SKI: variants seen among roughly 807,000 people sequenced by gnomAD.
SKI encodes SKI proto-oncogene, also known as ski oncogene.
SKI carries 23 observed loss-of-function variants against 59.3 expected under a neutral mutation model. That is an observed-to-expected ratio of 0.39 (90% confidence interval 0.28 to 0.55). SKI has a LOEUF of 0.55. Ranked by LOEUF, SKI falls within the 20% of genes least tolerant of loss-of-function variation. The probability of loss-of-function intolerance (pLI) is 0.67; values close to 1 mark genes in which losing one functional copy is unlikely to be tolerated. For synonymous variants in SKI, 673 were observed against 488.6 expected, an observed-to-expected ratio of 1.38 and a Z score of -4.98; for missense variants, 1,017 against 1,038.9, an observed-to-expected ratio of 0.98 and a Z score of 0.29.
intron 1 of SKI, among the ~76,000 whole-genome samples, chr1:2,232,253 A>G (rs1264022260): frequency 6.6e-6 from 1 of 152,236 alleles, no homozygotes; most frequent in African/African-American, 2.4e-5. Context: ...CTCTCTTTGC[A>G]GGGCTGCTGC....
At chr1:2,296,852 C>T (rs1405810057) in intron 1 of SKI, among the ~76,000 whole-genome samples, 2 of 152,170 alleles carry the variant, frequency 1.3e-5, no homozygotes, top group Non-Finnish European at 2.9e-5. Context: ...AAAACCTTCA[C>T]GTGCGCTCGC....
chr1:2,241,963 G>C (rs371519242), intron 1 of SKI, among the ~76,000 whole-genome samples: 7 of 151,958 alleles, frequency 4.6e-5, no homozygotes, highest in African/African-American at 1.5e-4. Flanking sequence ...GTGTGTGTGT[G>C]TGTGTGTGCC....
At chr1:2,244,971 A>G in intron 1 of SKI, among the ~76,000 whole-genome samples, 1 of 152,222 alleles carries the variant, frequency 6.6e-6, no homozygotes, top group East Asian at 1.9e-4. Flanking sequence ...CAACTGGAAG[A>G]TCTAACAATA....
rs1332262825 is a variant in SKI at position 2,269,707 on chromosome 1, C to T, written c.970-33271C>T. Reference sequence around the variant, plus strand: ...CCTTGGGCACCAGGGACAGTGGGGACGTGGCTGTGCACCGGGCCCAGGGCT... The same window carrying T: ...CCTTGGGCACCAGGGACAGTGGGGATGTGGCTGTGCACCGGGCCCAGGGCT... On this transcript the variant is annotated intron_variant, in intron 1 of 6. Coordinates refer to ENST00000378536, the MANE Select transcript of SKI (RefSeq NM_003036.4). The surrounding 1 kb of genome is among the most constrained non-coding windows in gnomAD (Gnocchi z 4.7). 3.9e-5 allele frequency among the ~76,000 whole-genome samples: 6 copies of T among 152,230 alleles called. No homozygotes were observed. The highest frequency in any genetic ancestry group is 2.0e-4 in the Admixed American group (3 of 15,286).
Position 2,303,768 on chromosome 1 carries a change from G to C in SKI, c.1212-72G>C. ...TTCCTGTTTAACACCTTCAGAGGGG[G>C]TGTGCGCCAGGATGTGTCTGGGTGG... On this transcript the variant is annotated intron_variant, in intron 3 of 6. Coordinates refer to ENST00000378536, the MANE Select transcript of SKI (RefSeq NM_003036.4). This position sits in a 1 kb window ranked among gnomAD's most constrained non-coding sequence, Gnocchi z 5.6. The C allele has an allele frequency of 6.4e-7, 1 of 1,571,532 alleles. No homozygotes were observed. Among genetic ancestry groups the C allele is most frequent in the Non-Finnish European group, 8.7e-7 (1 of 1,153,650 alleles).
intron 1 of SKI, among the ~76,000 whole-genome samples, chr1:2,253,476 C>T (rs940868987): frequency 6.6e-6 from 1 of 152,188 alleles, no homozygotes; most frequent in African/African-American, 2.4e-5. Flanking sequence ...GCAGGTCGTC[C>T]TTGGACACAC....
intron 1 of SKI, among the ~76,000 whole-genome samples, chr1:2,295,838 C>T (rs1417858354): frequency 1.3e-5 from 2 of 152,194 alleles, no homozygotes; most frequent in Admixed American, 6.5e-5. Flanking sequence ...CAATCTATCC[C>T]GTCATTTGTC....
intron 1 of SKI, among the ~76,000 whole-genome samples, chr1:2,230,921 G>A (rs951344273): frequency 6.6e-6 from 1 of 152,140 alleles, no homozygotes; most frequent in African/African-American, 2.4e-5. Flanking sequence ...GGATGGAAGC[G>A]AGGGACTGTC....
chr1:2,267,880 C>G lies in SKI; in HGVS notation c.970-35098C>G, dbSNP rs1448364076. Among the ~76,000 whole-genome samples, 1 of 152,230 alleles carries G rather than the reference C, an allele frequency of 6.6e-6. No homozygotes were observed. Among genetic ancestry groups the G allele is most frequent in the Non-Finnish European group, 1.5e-5 (1 of 68,032 alleles). The stretch of plus-strand genomic sequence containing the variant: ...AAAGTCACACTTTGGTTCCAGGTCA[C>G]AGCTTGAACCTCAGGCCACCTCCAG... On this transcript the variant is annotated intron_variant, in intron 1 of 6. Coordinates refer to ENST00000378536, the MANE Select transcript of SKI (RefSeq NM_003036.4). This position sits in a 1 kb window ranked among gnomAD's most constrained non-coding sequence, Gnocchi z 4.1.
rs761525189 is a variant in SKI at position 2,229,594 on chromosome 1, C to T, written c.828C>T (p.Phe276=). ...ALENRTCHWG[F]DSANWRAYIL... is the part of the protein sequence containing the mutation. ...AGAACCGGACCTGCCACTGGGGCTTCGACTCGGCCAACTGGCGGGCCTACA... is the reference window on the plus strand; with the variant it reads ...AGAACCGGACCTGCCACTGGGGCTTTGACTCGGCCAACTGGCGGGCCTACA... The change falls in exon 1 of 7, where the codon TTC becomes TTT. Residue 276 remains phenylalanine (F), a synonymous_variant. Transcript: ENST00000378536. The surrounding 1 kb of genome is among the most constrained non-coding windows in gnomAD (Gnocchi z 6.3). The T allele has an allele frequency of 3.5e-5, 57 of 1,612,378 alleles. No individual in the cohort carries two copies. The South Asian group carries it at 5.6e-4, about 16-fold the overall frequency.
intron 1 of SKI, among the ~76,000 whole-genome samples, chr1:2,282,430 A>G (rs936967686): frequency 1.1e-5 from 1 of 89,034 alleles, no homozygotes; most frequent in Non-Finnish European, 2.4e-5. Context: ...GCCCGAGAAG[A>G]CAGGCGGTGG....
chr1:2,293,902 C>A (rs780415770), intron 1 of SKI, among the ~76,000 whole-genome samples: 2 of 152,196 alleles, frequency 1.3e-5, no homozygotes, highest in African/African-American at 4.8e-5. Flanking sequence ...CCAGTGCAGG[C>A]GGTGGTCACC....
chr1:2,293,871 G>A lies in SKI; in HGVS notation c.970-9107G>A, dbSNP rs1345892773. On this transcript the variant is annotated intron_variant, in intron 1 of 6. Transcript: ENST00000378536. Reference sequence around the variant, plus strand: ...TGGCTGCAGGTTCCCGGAATCTGTCGTGGGTTCTGGGTTGTCCCTTCCAGT... The same window carrying A: ...TGGCTGCAGGTTCCCGGAATCTGTCATGGGTTCTGGGTTGTCCCTTCCAGT... 5.3e-5 allele frequency among the ~76,000 whole-genome samples: 8 copies of A among 152,348 alleles called. No individual in the cohort carries two copies. The East Asian group carries it at 1.4e-3, about 26-fold the overall frequency.
chr1:2,290,761 G>A (rs956786019), intron 1 of SKI, among the ~76,000 whole-genome samples: 90 of 152,320 alleles, frequency 5.9e-4, no homozygotes, highest in African/African-American at 2.1e-3. Flanking sequence ...TTGGGCTTGC[G>A]GAGCCGTCCT....
intron 1 of SKI, among the ~76,000 whole-genome samples, chr1:2,265,462 A>G (rs142902495): frequency 6.6e-6 from 1 of 152,268 alleles, no homozygotes; most frequent in African/African-American, 2.4e-5. Flanking sequence ...TTGGGACTAT[A>G]TTATATCTTT....
intron 1 of SKI, among the ~76,000 whole-genome samples, chr1:2,277,469 T>G (rs115236209): frequency 0.052 from 7,995 of 152,326 alleles, 274 homozygotes; most frequent in Middle Eastern, 0.15. Context: ...TTTCTGCTTT[T>G]GCTTCCTCCT....
At chr1:2,264,100 CTA>C (rs1639447081) in intron 1 of SKI, among the ~76,000 whole-genome samples, 1 of 152,002 alleles carries the variant, frequency 6.6e-6, no homozygotes, top group African/African-American at 2.4e-5. Flanking sequence ...GCTATATAGA[CTA>C]TTCAGTTTAT....
Position 2,304,880 on chromosome 1 carries a change from A to G in SKI, c.1767+295A>G, listed in dbSNP as rs144448332. On this transcript the variant is annotated intron_variant, in intron 5 of 6. Transcript: ENST00000378536. The stretch of plus-strand genomic sequence containing the variant: ...ATCACACACCCTGCGTGGTGGCCCC[A>G]CTGAGGAAGTAGCCATGTTTCTCTG... Among the ~76,000 whole-genome samples the G allele has an allele frequency of 3.8e-4, 58 of 152,332 alleles. No homozygotes were observed. The East Asian group carries it at 9.6e-3, about 25-fold the overall frequency.
intron 1 of SKI, among the ~76,000 whole-genome samples, chr1:2,230,079 G>C (rs574874342): frequency 1.3e-5 from 2 of 152,316 alleles, no homozygotes; most frequent in South Asian, 2.1e-4. Context: ...GCCTGCCCCA[G>C]GTCAGGGAAG....
Sources: allele counts gnomAD v4.1 joint callset (sites outside exome capture counted in the v4.1 genomes callset), GRCh38; gene constraint gnomAD v4.1.1; non-coding constraint Gnocchi (gnomAD v3.1); transcripts MANE v1.5; gene names NCBI Gene and HGNC (gene_info 2026-07-23, HGNC 2026-07-21).